PHACTR4: variants seen among roughly 807,000 people sequenced by gnomAD.
PHACTR4 encodes the protein phosphatase and actin regulator 4.
A neutral mutation model predicts 72.7 loss-of-function variants in PHACTR4; 51 were observed. The ratio of observed to expected loss-of-function variants is 0.70; its 90% CI spans 0.56 to 0.89. PHACTR4 has a LOEUF of 0.89. PHACTR4 is among the 40% of genes least tolerant of loss of function. The pLI, the probability that PHACTR4 is intolerant of heterozygous loss-of-function variation, is 0.00. For synonymous variants in PHACTR4, 255 were observed against 302.5 expected, an observed-to-expected ratio of 0.84 and a Z score of 1.63; for missense variants, 731 against 861.8, an observed-to-expected ratio of 0.85 and a Z score of 1.90.
chr1:28,466,643 C>T lies in PHACTR4; in HGVS notation c.698C>T (p.Thr233Ile). 6.2e-7 allele frequency: 1 copy of T among 1,614,026 alleles called. No homozygotes were observed. Among genetic ancestry groups the T allele is most frequent in the East Asian group, 2.2e-5 (1 of 44,890 alleles). Reference sequence around the variant, plus strand: ...GTCACCCCTTCCCCAGCACCCAGGACTCTGCCTGCTGCTCCTGCCAGCACT... The same window carrying T: ...GTCACCCCTTCCCCAGCACCCAGGATTCTGCCTGCTGCTCCTGCCAGCACT... The part of the protein sequence containing the change: ...LSVTPSPAPR[T>I]LPAAPASTNT... The change falls in exon 6 of 14, where the codon ACT becomes ATT. Residue 233 changes from threonine (T) to isoleucine (I), a missense_variant. Physicochemically the swap from Thr to Ile is moderately conservative, Grantham distance 89. This residue lies in a region of PHACTR4 where 621 missense variants were observed against 676.6 expected (regional missense o/e 0.92). Transcript: ENST00000373839.
intron 12 of PHACTR4, among the ~76,000 whole-genome samples, chr1:28,492,431 C>T (rs1179756963): frequency 3.3e-5 from 5 of 150,796 alleles, no homozygotes; most frequent in East Asian, 1.9e-4. Flanking sequence ...AGTGAGACTC[C>T]ACCTCAAAAA....
intron 1 of PHACTR4, among the ~76,000 whole-genome samples, chr1:28,370,341 C>T (rs6657867): frequency 0.38 from 58,237 of 151,916 alleles, 12,858 homozygotes; most frequent in African/African-American, 0.6. Context: ...ATTTAACTTT[C>T]AAACATCAGC....
chr1:28,388,584 G>A (rs537935648), intron 1 of PHACTR4, among the ~76,000 whole-genome samples: 1 of 152,318 alleles, frequency 6.6e-6, no homozygotes, highest in South Asian at 2.1e-4. Context: ...GGGCACGGTG[G>A]CTCACGCCTG....
At chr1:28,412,253 C>T (rs1348658381) in intron 2 of PHACTR4, among the ~76,000 whole-genome samples, 1 of 152,098 alleles carries the variant, frequency 6.6e-6, no homozygotes, top group African/African-American at 2.4e-5. Flanking sequence ...GAGAAAATGC[C>T]TGTCAGCTAT....
chr1:28,382,786 T>A (rs943515339), intron 1 of PHACTR4, among the ~76,000 whole-genome samples: 1 of 151,884 alleles, frequency 6.6e-6, no homozygotes, highest in African/African-American at 2.4e-5. Flanking sequence ...CCCAGCACTG[T>A]TTATTATTAT....
At chr1:28,391,493 G>T (rs1420101556) in intron 1 of PHACTR4, among the ~76,000 whole-genome samples, 2 of 151,592 alleles carry the variant, frequency 1.3e-5, no homozygotes, top group Non-Finnish European at 2.9e-5. Flanking sequence ...GGGTGGGAGT[G>T]GAGATTGGGA....
chr1:28,440,668 A>G (rs1656962369), intron 2 of PHACTR4, among the ~76,000 whole-genome samples: 1 of 152,086 alleles, frequency 6.6e-6, no homozygotes, highest in South Asian at 2.1e-4. Flanking sequence ...CCTAGATAAT[A>G]AGTAGTTGAC....
chr1:28,414,286 G>A (rs1327414707), intron 2 of PHACTR4, among the ~76,000 whole-genome samples: 8 of 151,928 alleles, frequency 5.3e-5, no homozygotes, highest in African/African-American at 1.7e-4. Context: ...GGCTGGTCTC[G>A]AACTCCTGAC....
At position 28,473,579 on chromosome 1, in the gene PHACTR4, T is replaced by G; in HGVS notation, c.849T>G (p.Ser283Arg). Residue 283 changes from serine to arginine, a missense_variant, in exon 7 of 14, where the codon AGT becomes AGG. Coordinates refer to ENST00000373839, the MANE Select transcript of PHACTR4 (RefSeq NM_001048183.3). ...VIAELSQAINSGTLLSKPSPP... is the reference protein window; with the variant it reads ...VIAELSQAINRGTLLSKPSPP... ...CTGAACTGTCCCAAGCAATAAACAGTGGTACATTGTTATCAAAACCGTCCC... is the reference window on the plus strand; with the variant it reads ...CTGAACTGTCCCAAGCAATAAACAGGGGTACATTGTTATCAAAACCGTCCC... 6.2e-7 allele frequency: 1 copy of G among 1,612,084 alleles called. No homozygotes were observed. The highest frequency in any genetic ancestry group is 1.1e-5 in the South Asian group (1 of 90,972).
intron 2 of PHACTR4, among the ~76,000 whole-genome samples, chr1:28,454,437 C>A (rs955106053): frequency 6.6e-6 from 1 of 152,020 alleles, no homozygotes; most frequent in East Asian, 1.9e-4. Flanking sequence ...CCACTGCGCC[C>A]GGCTAATTTT....
intron 3 of PHACTR4, 45 bp from the exon 4 acceptor site, chr1:28,460,167 T>G (rs752405179): frequency 7.3e-7 from 1 of 1,377,604 alleles, no homozygotes; most frequent in South Asian, 1.2e-5. Context: ...AAGGTTGACT[T>G]TCAACTGTCA....
At chr1:28,491,111 G>A (rs892308324) in intron 11 of PHACTR4, 99 bp downstream of exon 11, 72 of 1,240,584 alleles carry the variant, frequency 5.8e-5, no homozygotes, top group Admixed American at 2.1e-4. Flanking sequence ...GCTTGCGCCT[G>A]TAATCCCAGC....
chr1:28,425,920 C>T (rs1381290049), intron 2 of PHACTR4, among the ~76,000 whole-genome samples: 1 of 151,966 alleles, frequency 6.6e-6, no homozygotes, highest in Non-Finnish European at 1.5e-5. Context: ...CCTCTTGGTT[C>T]CTTAATAGAT....
rs575595716 is a variant in PHACTR4 at position 28,423,316 on chromosome 1, GGA to G, written c.16+15855_16+15856del. Among the ~76,000 whole-genome samples the G allele has an allele frequency of 1.7e-3, 264 of 152,176 alleles. 1 individual carries two copies. Among genetic ancestry groups the G allele is most frequent in the Non-Finnish European group, 3.2e-3 (219 of 68,012 alleles). ...CCCAGCTATTTAAGTGGCTGAGATGGGAGGATTGTTTAAGCCAGGGAGGTCGA... is the reference window on the plus strand; with the variant it reads ...CCCAGCTATTTAAGTGGCTGAGATGGGGATTGTTTAAGCCAGGGAGGTCGA... On this transcript the variant is annotated intron_variant, in intron 2 of 13. Coordinates refer to ENST00000373839, the MANE Select transcript of PHACTR4 (RefSeq NM_001048183.3).
chr1:28,395,851 C>T (rs564101418), intron 1 of PHACTR4, among the ~76,000 whole-genome samples: 5 of 81,042 alleles, frequency 6.2e-5, no homozygotes, highest in African/African-American at 1.9e-4. Flanking sequence ...TTAGTAGAGA[C>T]GGGGTTTCAC....
intron 2 of PHACTR4, chr1:28,457,856 GT>G (rs1463283339): frequency 3.0e-6 from 3 of 984,014 alleles, no homozygotes; most frequent in Non-Finnish European, 3.6e-6. Flanking sequence ...CCTTGGAACA[GT>G]AGGTGGAGTG....
At chr1:28,447,370 C>T (rs536309146) in intron 2 of PHACTR4, among the ~76,000 whole-genome samples, 3 of 150,980 alleles carry the variant, frequency 2.0e-5, no homozygotes, top group African/African-American at 7.3e-5. Flanking sequence ...TCACAACCTA[C>T]ATATGTATTT....
At chr1:28,378,579 CCT>C (rs1491548878) in intron 1 of PHACTR4, among the ~76,000 whole-genome samples, 116 of 137,126 alleles carry the variant, frequency 8.5e-4, no homozygotes, top group African/African-American at 2.5e-3. Flanking sequence ...GCCCCCCCCC[CCT>C]TTTTTTTTAA....
intron 2 of PHACTR4, among the ~76,000 whole-genome samples, chr1:28,436,164 A>G (rs35593799): frequency 0.39 from 58,596 of 152,076 alleles, 12,986 homozygotes; most frequent in African/African-American, 0.6. Context: ...AGCTAAGTAC[A>G]GGAAAGTTCA....
Sources: allele counts gnomAD v4.1 joint callset (sites outside exome capture counted in the v4.1 genomes callset), GRCh38; gene constraint gnomAD v4.1.1; regional missense constraint gnomAD v4.1.1; transcripts MANE v1.5; gene names NCBI Gene and HGNC (gene_info 2026-07-23, HGNC 2026-07-21).